MCF2L: variants seen among roughly 807,000 people sequenced by gnomAD.
The protein encoded by MCF2L is guanine nucleotide exchange factor DBS.
In MCF2L, 97 loss-of-function variants were observed where a neutral mutation model predicts 153.4. That is an observed-to-expected ratio of 0.63 (90% CI 0.54 to 0.75). The LOEUF (loss-of-function observed/expected upper bound fraction) is 0.75, where lower values mean the gene tolerates loss of function less well. MCF2L is among the 30% of genes least tolerant of loss of function. The pLI is 0.00. For missense variants in MCF2L, 1,347 were observed against 1,495.2 expected, an observed-to-expected ratio of 0.90 and a Z score of 1.64; for synonymous variants, 659 against 632.2, an observed-to-expected ratio of 1.04 and a Z score of -0.64.
rs375767384 is a variant in MCF2L, at chr13:112,949,929, A to G, written c.169+47558A>G. Among the ~76,000 whole-genome samples the G allele has an allele frequency of 1.8e-4, 27 of 151,728 alleles. 1 individual carries two copies. The highest frequency in any genetic ancestry group is 2.4e-4 in the African/African-American group (10 of 41,328). Reference sequence around the variant, plus strand: ...ATCAAGAAAAATAAAAGGCATATGGATTGGAATGAAATAATTGAAACAGTC... The same window carrying G: ...ATCAAGAAAAATAAAAGGCATATGGGTTGGAATGAAATAATTGAAACAGTC... On this transcript the variant is annotated intron_variant, in intron 2 of 29. Transcript: ENST00000375608.
chr13:113,092,365 T>C (rs575866307), intron 26 of MCF2L, among the ~76,000 whole-genome samples: 22 of 150,928 alleles, frequency 1.5e-4, no homozygotes, highest in Admixed American at 7.2e-4. Flanking sequence ...TCCACCGTGG[T>C]CAGTGTGGTG....
In MCF2L at chr13:113,097,632, ATAATT is replaced by A. The variant is rs1180316472; in HGVS notation, c.*777_*781del. On this transcript the variant is annotated 3_prime_UTR_variant, in exon 30 of 30. Transcript: ENST00000535094. Reference sequence around the variant, plus strand: ...TCATTTTCAAAAGAAAATTTAAACTATAATTTAAACAATTAACGTTCTTTTCTACA... The same window carrying A: ...TCATTTTCAAAAGAAAATTTAAACTATAAACAATTAACGTTCTTTTCTACA... 2.0e-5 allele frequency: 3 copies of A among 151,028 alleles called. No individual in the cohort carries two copies. The highest frequency in any genetic ancestry group is 7.4e-5 in the African/African-American group (3 of 40,636). The allele number at this position is 151,028 out of a possible 1,614,324, so 9.4% of individuals were successfully genotyped here. A position where few individuals can be genotyped will look rare whatever the true frequency, so the allele number is the denominator to read the frequency against.
chr13:113,080,839 A>G (rs542281883), intron 15 of MCF2L, among the ~76,000 whole-genome samples: 14 of 152,310 alleles, frequency 9.2e-5, no homozygotes, highest in African/African-American at 2.6e-4. Context: ...GGTGGATTCT[A>G]GGGATGGGTC....
In MCF2L at chr13:113,081,271, G is replaced by A. The variant is rs146542168; in HGVS notation, c.1867G>A (p.Val623Ile). The A allele has an allele frequency of 2.7e-3, 4,306 of 1,586,962 alleles. 5 individuals are homozygous for A. Among genetic ancestry groups the A allele is most frequent in the Non-Finnish European group, 3.3e-3 (3,908 of 1,167,786 alleles). The change falls in exon 16 of 30, where the codon GTC becomes ATC. Residue 623 changes from valine to isoleucine, a missense_variant. Transcript: ENST00000535094. ...GGCCTACGTGGAGGAGCTGCTGTGC[G>A]TCCTGGAGGTGAGGCTGGACTCGGG... ...ERAYVEELLC[V>I]LEGYAAEMDN... is the part of the protein sequence containing the mutation.
Position 112,924,690 on chromosome 13 carries a change from G to A in MCF2L, c.169+22319G>A, listed in dbSNP as rs572463759. Among the ~76,000 whole-genome samples the A allele has an allele frequency of 1.8e-4, 27 of 152,264 alleles. 1 individual carries two copies. In the South Asian group the frequency reaches 5.2e-3, roughly 29 times the overall value. ...CTGAATTAATGCATACACTTAAGGA[G>A]CCCCAATAAACACATCATCTTTTTC... On this transcript the variant is annotated intron_variant, in intron 2 of 29. Transcript: ENST00000375608.
intron 4 of MCF2L, among the ~76,000 whole-genome samples, chr13:113,056,460 CTG>C (rs919505941): frequency 7.6e-6 from 1 of 131,456 alleles, no homozygotes. Context: ...TGAGTGGGTG[CTG>C]TGTGTTTGGG....
intron 2 of MCF2L, among the ~76,000 whole-genome samples, chr13:112,959,950 G>A (rs1349155053): frequency 2.6e-5 from 4 of 152,220 alleles, no homozygotes; most frequent in African/African-American, 9.6e-5. Context: ...TGTCTGTGAC[G>A]GCAGCAGCAC....
Position 113,088,526 on chromosome 13 carries a change from G to A in MCF2L, c.2768-36G>A, listed in dbSNP as rs375077259. 113 of 1,610,924 alleles carry A rather than the reference G, an allele frequency of 7.0e-5. No homozygotes were observed. The African/African-American group carries it at 1.3e-3, about 19-fold the overall frequency. ...GGTGCCTCGGCGTTGAAGTAAAGACGCTCGTTCACGTGGTTTGTCTGCTCC... is the reference window on the plus strand; with the variant it reads ...GGTGCCTCGGCGTTGAAGTAAAGACACTCGTTCACGTGGTTTGTCTGCTCC... On this transcript the variant is annotated intron_variant, in intron 24 of 29. Coordinates refer to ENST00000535094, the MANE Select transcript of MCF2L (RefSeq NM_001112732.3).
chr13:112,996,962 G>A lies in MCF2L; in HGVS notation c.80-17801G>A, dbSNP rs185380542. On this transcript the variant is annotated intron_variant, in intron 1 of 29. Transcript: ENST00000535094. ...CCCTGGCAGCTGCTGGGCCAGTCCC[G>A]CCCTCGCTATCTCAGGTGTGGCCGG... is the stretch of plus-strand genomic sequence containing the variant. 4.2e-3 allele frequency among the ~76,000 whole-genome samples: 635 copies of A among 152,334 alleles called. 7 individuals are homozygous for A. The highest frequency in any genetic ancestry group is 0.013 in the African/African-American group (521 of 41,566).
intron 2 of MCF2L, among the ~76,000 whole-genome samples, chr13:112,911,646 G>A (rs1229883607): frequency 2.0e-5 from 3 of 152,224 alleles, no homozygotes; most frequent in East Asian, 3.9e-4. Flanking sequence ...CCGTGGGCCC[G>A]GCACCCCCTT....
chr13:112,962,766 G>T (rs1245925872), intron 2 of MCF2L, among the ~76,000 whole-genome samples: 1 of 152,290 alleles, frequency 6.6e-6, no homozygotes, highest in South Asian at 2.1e-4. Context: ...TGAGGAAGGA[G>T]CCCCCCGTGT....
Position 112,946,796 on chromosome 13 carries a change from C to T in MCF2L, c.169+44425C>T, listed in dbSNP as rs554997939. Among the ~76,000 whole-genome samples, 8 of 152,326 alleles carry T rather than the reference C, an allele frequency of 5.3e-5. No homozygotes were observed. In the South Asian group the frequency reaches 6.2e-4, roughly 12 times the overall value. On this transcript the variant is annotated intron_variant, in intron 2 of 29. Transcript: ENST00000375608. ...AACTAACCCACAAAAGACTTCATCC[C>T]AGGAAGGTGGAACAGACATACTTTT...
chr13:113,036,838 C>A (rs977120481), intron 3 of MCF2L, among the ~76,000 whole-genome samples: 3 of 152,252 alleles, frequency 2.0e-5, no homozygotes, highest in African/African-American at 7.2e-5. Flanking sequence ...TATTCCTATC[C>A]AGTCCATGGG....
intron 1 of MCF2L, among the ~76,000 whole-genome samples, chr13:112,896,277 C>A (rs1473916270): frequency 6.6e-6 from 1 of 152,214 alleles, no homozygotes; most frequent in African/African-American, 2.4e-5. Context: ...CACCGCCCCC[C>A]CGAGGCCTCC....
chr13:113,000,342 G>A (rs182675721), intron 1 of MCF2L, among the ~76,000 whole-genome samples: 5 of 152,278 alleles, frequency 3.3e-5, no homozygotes, highest in Admixed American at 6.5e-5. Context: ...ACAGCCCCTC[G>A]GTGGTCGTGA....
In MCF2L at chr13:113,088,209, C is replaced by T. The variant is rs543191955; in HGVS notation, c.2689-118C>T. 1.1e-4 allele frequency: 96 copies of T among 901,902 alleles called. 2 individuals carry two copies. Among genetic ancestry groups the T allele is most frequent in the South Asian group, 9.6e-4 (70 of 73,022 alleles). The allele number at this position is 901,902 out of a possible 1,614,324, so 55.9% of individuals were successfully genotyped here. On this transcript the variant is annotated intron_variant, in intron 23 of 29. Transcript: ENST00000535094. ...AGTGCTTTCCTCCTCTCCCCTCACA[C>T]GCAGCCACCTGACCTTTGACTCCTA...
intron 3 of MCF2L, among the ~76,000 whole-genome samples, chr13:113,026,686 G>A (rs539123647): frequency 2.6e-5 from 4 of 152,372 alleles, no homozygotes; most frequent in South Asian, 2.1e-4. Context: ...TCTCTGTGTC[G>A]TGGTCAGGCC....
intron 3 of MCF2L, among the ~76,000 whole-genome samples, chr13:113,029,998 T>A (rs996241630): frequency 2.0e-5 from 3 of 152,256 alleles, no homozygotes; most frequent in African/African-American, 7.2e-5. Flanking sequence ...ATTCTAATTT[T>A]AACTTTCCTT....
intron 2 of MCF2L, chr13:112,957,565 A>G (rs1594382188): frequency 1.3e-5 from 2 of 152,176 alleles, no homozygotes; most frequent in South Asian, 4.1e-4. Flanking sequence ...TAGACGCCAG[A>G]TAGACGTGGC....
Sources: allele counts gnomAD v4.1 joint callset (sites outside exome capture counted in the v4.1 genomes callset), GRCh38; gene constraint gnomAD v4.1.1; transcripts MANE v1.5; gene names NCBI Gene and HGNC (gene_info 2026-07-23, HGNC 2026-07-21).